XIRP2: variants seen among roughly 807,000 people sequenced by gnomAD.
The protein encoded by XIRP2 is xin actin binding repeat containing 2.
In XIRP2, 236 loss-of-function variants were observed where a neutral mutation model predicts 277.0. That is an observed-to-expected ratio of 0.85 (90% CI 0.77 to 0.95). The LOEUF (loss-of-function observed/expected upper bound fraction) is 0.95. XIRP2 is among the 40% of genes least tolerant of loss of function. The probability of loss-of-function intolerance (pLI) is 0.00; values close to 1 mark genes in which losing one functional copy is unlikely to be tolerated. For synonymous variants in XIRP2, 1,490 were observed against 1,416.5 expected (o/e 1.05, Z -1.17); for missense variants, 4,640 against 4,157.5 (o/e 1.12, Z -3.19).
intron 3 of XIRP2, among the ~76,000 whole-genome samples, chr2:167,177,570 C>T (rs74271054): frequency 0.099 from 15,040 of 152,120 alleles, 799 homozygotes; most frequent in South Asian, 0.15. Flanking sequence ...TTTAGATTGT[C>T]TAGGTTTTTG....
chr2:167,247,029 C>T lies in XIRP2; in HGVS notation c.5637C>T (p.Ser1879=). ...CACTCAAGTCACTTAAAGAATCAAG[C>T]CATCGATGGAAAGAATCTAAACAGC... ...LATLKSLKES[S]HRWKESKQPD... is the part of the protein sequence containing the mutation. Residue 1879 remains serine, a synonymous_variant, in exon 9 of 11, where the codon AGC becomes AGT. Coordinates refer to ENST00000409195, the MANE Select transcript of XIRP2 (RefSeq NM_152381.6). The T allele has an allele frequency of 1.2e-6, 2 of 1,613,340 alleles. No homozygotes were observed. The highest frequency in any genetic ancestry group is 2.2e-5 in the South Asian group (2 of 91,000).
Position 167,244,125 on chromosome 2 carries a change from T to A in XIRP2, c.2733T>A (p.His911Gln). ...ASEEEKGDVR[H>Q]QKWIFETQPL... ...AAGAAGAAAAAGGGGATGTTAGGCA[T>A]CAAAAATGGATTTTTGAAACCCAAC... Residue 911 changes from histidine (H) to glutamine (Q), a missense_variant, in exon 9 of 11, where the codon CAT (histidine) becomes CAA (glutamine). Transcript: ENST00000409195. The A allele has an allele frequency of 6.2e-7, 1 of 1,613,862 alleles. No individual in the cohort carries two copies. The highest frequency in any genetic ancestry group is 1.3e-5 in the African/African-American group (1 of 74,994).
At chr2:166,899,376 C>T (rs1684320258) in intron 1 of XIRP2, among the ~76,000 whole-genome samples, 1 of 152,070 alleles carries the variant, frequency 6.6e-6, no homozygotes, top group Non-Finnish European at 1.5e-5. Context: ...CCCCTAGCTT[C>T]AACCTTCAAT....
chr2:166,977,524 A>G (rs1473244924), intron 2 of XIRP2, among the ~76,000 whole-genome samples: 1 of 152,180 alleles, frequency 6.6e-6, no homozygotes, highest in African/African-American at 2.4e-5. Flanking sequence ...GTATTATCAT[A>G]TATCTCTCCA....
chr2:166,973,868 T>G (rs1224339720), intron 2 of XIRP2, among the ~76,000 whole-genome samples: 3 of 152,184 alleles, frequency 2.0e-5, no homozygotes, highest in Non-Finnish European at 4.4e-5. Context: ...AATTTTCCAT[T>G]AAGTTTTGGA....
At chr2:167,098,293 A>G (rs187638111) in intron 2 of XIRP2, among the ~76,000 whole-genome samples, 1 of 152,226 alleles carries the variant, frequency 6.6e-6, no homozygotes, top group Non-Finnish European at 1.5e-5. Flanking sequence ...TATTTCATTA[A>G]GTTGATCTTC....
chr2:167,011,997 A>C (rs890667873), intron 2 of XIRP2, among the ~76,000 whole-genome samples: 6 of 151,660 alleles, frequency 4.0e-5, no homozygotes, highest in South Asian at 2.1e-4. Context: ...CGGTCTATCA[A>C]TTTTGTTGAT....
chr2:167,141,862 A>G (rs1487607257), intron 3 of XIRP2, among the ~76,000 whole-genome samples: 1 of 152,152 alleles, frequency 6.6e-6, no homozygotes, highest in Admixed American at 6.5e-5. Context: ...CCCTGTCTCA[A>G]AAATAAAATA....
chr2:166,933,079 C>A (rs1284468304), intron 2 of XIRP2, among the ~76,000 whole-genome samples: 1 of 151,862 alleles, frequency 6.6e-6, no homozygotes, highest in African/African-American at 2.4e-5. Flanking sequence ...CACACACACA[C>A]ACACACATAC....
At chr2:167,038,845 G>T (rs943269128) in intron 2 of XIRP2, among the ~76,000 whole-genome samples, 4 of 151,980 alleles carry the variant, frequency 2.6e-5, no homozygotes, top group African/African-American at 9.7e-5. Context: ...TGTGTTTACA[G>T]TTGTTTGTAG....
intron 2 of XIRP2, among the ~76,000 whole-genome samples, chr2:167,128,583 G>A (rs1217117543): frequency 6.6e-6 from 1 of 152,112 alleles, no homozygotes; most frequent in East Asian, 1.9e-4. Context: ...CTTGGATATT[G>A]AGAGGCAACT....
chr2:166,948,708 A>G lies in XIRP2; in HGVS notation c.408+44818A>G, dbSNP rs555170467. The stretch of plus-strand genomic sequence containing the variant: ...GATGCCTCTGTATTTCCAGCTTTCC[A>G]TATTCTAATCTTCCAATAGAAAGTT... On this transcript the variant is annotated intron_variant, in intron 2 of 10. Coordinates refer to ENST00000409195, the MANE Select transcript of XIRP2 (RefSeq NM_152381.6). 2.6e-5 allele frequency among the ~76,000 whole-genome samples: 4 copies of G among 152,148 alleles called. No homozygotes were observed. The South Asian group carries it at 8.3e-4, about 32-fold the overall frequency.
At chr2:166,949,718 T>C (rs1685977994) in intron 2 of XIRP2, among the ~76,000 whole-genome samples, 1 of 152,084 alleles carries the variant, frequency 6.6e-6, no homozygotes, top group Admixed American at 6.6e-5. Flanking sequence ...ATGAGCATAT[T>C]CATGATTCTA....
At chr2:167,098,059 G>C (rs1465136833) in intron 2 of XIRP2, among the ~76,000 whole-genome samples, 2 of 152,116 alleles carry the variant, frequency 1.3e-5, no homozygotes. Flanking sequence ...TATCTTTGTG[G>C]TGTTCTCTGG....
rs763647220 is a variant in XIRP2 at position 166,903,707 on chromosome 2, G to A, written c.225G>A (p.Pro75=). The change falls in exon 2 of 11, where the codon CCG becomes CCA. Residue 75 remains proline (P), a synonymous_variant. Transcript: ENST00000409195. ...STGEEMWSSK[P]EEKDSVDKSN... Reference sequence around the variant, plus strand: ...GGGAAGAGATGTGGAGTTCGAAGCCGGAAGAGAAGGATTCTGTGGACAAGA... The same window carrying A: ...GGGAAGAGATGTGGAGTTCGAAGCCAGAAGAGAAGGATTCTGTGGACAAGA... The A allele has an allele frequency of 6.2e-6, 10 of 1,613,508 alleles. No homozygotes were observed. The highest frequency in any genetic ancestry group is 6.8e-6 in the Non-Finnish European group (8 of 1,179,792).
intron 3 of XIRP2, among the ~76,000 whole-genome samples, chr2:167,191,438 A>G (rs138214361): frequency 2.9e-3 from 446 of 152,206 alleles, no homozygotes; most frequent in African/African-American, 9.7e-3. Context: ...GCCAAAAGAC[A>G]TCAACCCAAC....
chr2:167,200,070 G>A (rs992414010), intron 3 of XIRP2, among the ~76,000 whole-genome samples: 2 of 152,164 alleles, frequency 1.3e-5, no homozygotes, highest in African/African-American at 4.8e-5. Context: ...AATAGAATGA[G>A]TAATGAAATT....
intron 2 of XIRP2, among the ~76,000 whole-genome samples, chr2:166,977,220 G>A (rs1246433617): frequency 6.6e-6 from 1 of 152,014 alleles, no homozygotes. Flanking sequence ...CATTTGTCTT[G>A]CTTGAACTTT....
intron 2 of XIRP2, among the ~76,000 whole-genome samples, chr2:166,984,104 T>C (rs1686940235): frequency 6.6e-6 from 1 of 152,186 alleles, no homozygotes; most frequent in African/African-American, 2.4e-5. Flanking sequence ...CCATCTCAAC[T>C]CTTACAATTC....
Sources: allele counts gnomAD v4.1 joint callset (sites outside exome capture counted in the v4.1 genomes callset), GRCh38; gene constraint gnomAD v4.1.1; transcripts MANE v1.5; gene names NCBI Gene and HGNC (gene_info 2026-07-23, HGNC 2026-07-21).